KCNH8: variants seen among roughly 807,000 people sequenced by gnomAD.
The protein encoded by KCNH8 is voltage-gated delayed rectifier potassium channel KCNH8.
KCNH8 carries 70 observed loss-of-function variants against 103.6 expected under a neutral mutation model. The ratio of observed to expected loss-of-function variants is 0.68; its 90% CI spans 0.56 to 0.82. The LOEUF (loss-of-function observed/expected upper bound fraction) is 0.82. Ranked by LOEUF, KCNH8 falls within the 40% of genes least tolerant of loss-of-function variation. KCNH8 has a pLI of 0.00. For synonymous variants in KCNH8, 498 were observed against 489.4 expected, an observed-to-expected ratio of 1.02 and a Z score of -0.23; for missense variants, 1,217 against 1,329.9, an observed-to-expected ratio of 0.92 and a Z score of 1.32.
intron 3 of KCNH8, among the ~76,000 whole-genome samples, chr3:19,290,620 T>G (rs1458452242): frequency 1.3e-5 from 2 of 152,210 alleles, no homozygotes; most frequent in Non-Finnish European, 2.9e-5. Flanking sequence ...CTGGATAACG[T>G]TTTTGATGTG....
intron 12 of KCNH8, among the ~76,000 whole-genome samples, chr3:19,511,234 A>T (rs1296697076): frequency 1.3e-5 from 2 of 151,592 alleles, no homozygotes; most frequent in Non-Finnish European, 2.9e-5. Flanking sequence ...ATGAGTGAGA[A>T]CATGTGGTGT....
chr3:19,333,123 C>A (rs1290298146), intron 3 of KCNH8, among the ~76,000 whole-genome samples: 1 of 152,110 alleles, frequency 6.6e-6, no homozygotes, highest in Non-Finnish European at 1.5e-5. Flanking sequence ...TGTTTTTAAA[C>A]ATCTTTTCAT....
intron 3 of KCNH8, among the ~76,000 whole-genome samples, chr3:19,334,663 C>G (rs1188321262): frequency 2.7e-5 from 4 of 145,722 alleles, no homozygotes; most frequent in Admixed American, 2.1e-4. Flanking sequence ...ATAATTATTC[C>G]TGTGTTAATT....
At chr3:19,332,001 TA>T (rs1559480053) in intron 3 of KCNH8, among the ~76,000 whole-genome samples, 1 of 152,028 alleles carries the variant, frequency 6.6e-6, no homozygotes, top group Non-Finnish European at 1.5e-5. Context: ...GAAATTTTTT[TA>T]AGTATTAGTA....
intron 7 of KCNH8, among the ~76,000 whole-genome samples, chr3:19,426,805 TATC>T (rs796903937): frequency 1.2e-4 from 19 of 152,268 alleles, no homozygotes; most frequent in Admixed American, 5.9e-4. Context: ...GAATCAAAAA[TATC>T]ATTGTTCTTT....
chr3:19,427,818 C>T (rs2067051221), intron 7 of KCNH8, among the ~76,000 whole-genome samples: 1 of 152,148 alleles, frequency 6.6e-6, no homozygotes, highest in African/African-American at 2.4e-5. Flanking sequence ...GCAAGGTCTG[C>T]AGACCACACG....
intron 3 of KCNH8, among the ~76,000 whole-genome samples, chr3:19,326,521 A>G (rs575012376): frequency 6.6e-6 from 1 of 151,982 alleles, no homozygotes; most frequent in Non-Finnish European, 1.5e-5. Context: ...AGGTAAAATC[A>G]TTCCCTTCAT....
rs551735632 is a variant in KCNH8 at position 19,293,137 on chromosome 3, A to G, written c.442+11808A>G. 1.4e-3 allele frequency among the ~76,000 whole-genome samples: 212 copies of G among 152,306 alleles called. 1 individual carries two copies. The highest frequency in any genetic ancestry group is 3.4e-3 in the Middle Eastern group (1 of 294). On this transcript the variant is annotated intron_variant, in intron 3 of 15. Transcript: ENST00000328405. ...ATATTATCCCAGGATCCTACAATGT[A>G]GAAGAATGAGACTTAGAGTGTAAAG...
intron 7 of KCNH8, among the ~76,000 whole-genome samples, chr3:19,423,025 C>T (rs1199116965): frequency 6.6e-6 from 1 of 152,062 alleles, no homozygotes; most frequent in Non-Finnish European, 1.5e-5. Context: ...ATTGTTACAT[C>T]ATAGTGATGA....
chr3:19,313,559 A>G (rs2065233491), intron 3 of KCNH8, among the ~76,000 whole-genome samples: 1 of 151,952 alleles, frequency 6.6e-6, no homozygotes, highest in Non-Finnish European at 1.5e-5. Context: ...CAAATCTCCC[A>G]TCTGAACTCA....
chr3:19,160,543 CTTTG>C (rs1405070062), intron 1 of KCNH8, among the ~76,000 whole-genome samples: 12 of 152,064 alleles, frequency 7.9e-5, no homozygotes, highest in Admixed American at 4.6e-4. Context: ...CTAAAATTTC[CTTTG>C]TTTAATATGT....
chr3:19,192,884 C>T (rs147494277), intron 1 of KCNH8, among the ~76,000 whole-genome samples: 45 of 151,648 alleles, frequency 3.0e-4, no homozygotes, highest in African/African-American at 1.1e-3. Flanking sequence ...GTTTGAAATT[C>T]TTGTAGCAGG....
At chr3:19,227,470 A>G (rs981287453) in intron 1 of KCNH8, among the ~76,000 whole-genome samples, 1 of 152,178 alleles carries the variant, frequency 6.6e-6, no homozygotes, top group Admixed American at 6.5e-5. Context: ...AGAATTCCCA[A>G]CATCACTATG....
chr3:19,454,239 T>A (rs893180595), intron 10 of KCNH8, among the ~76,000 whole-genome samples: 2 of 151,210 alleles, frequency 1.3e-5, no homozygotes, highest in African/African-American at 4.9e-5. Context: ...TCCTGGCCTC[T>A]TCTCAAGTTT....
At chr3:19,296,882 A>T (rs1301686614) in intron 3 of KCNH8, among the ~76,000 whole-genome samples, 1 of 152,070 alleles carries the variant, frequency 6.6e-6, no homozygotes, top group African/African-American at 2.4e-5. Context: ...AAAAGACATG[A>T]AAAGGAACAA....
intron 3 of KCNH8, among the ~76,000 whole-genome samples, chr3:19,304,605 G>A (rs1380550326): frequency 1.3e-5 from 2 of 152,048 alleles, no homozygotes; most frequent in African/African-American, 4.8e-5. Context: ...TGAGAGATTA[G>A]AAAATTAAGT....
intron 11 of KCNH8, among the ~76,000 whole-genome samples, chr3:19,498,828 G>A (rs1048206535): frequency 8.5e-5 from 13 of 152,072 alleles, no homozygotes; most frequent in Admixed American, 7.9e-4. Context: ...AGGTCTGCTG[G>A]AGTACCCGGC....
intron 5 of KCNH8, among the ~76,000 whole-genome samples, chr3:19,373,217 T>C (rs1574981717): frequency 6.6e-6 from 1 of 152,136 alleles, no homozygotes; most frequent in African/African-American, 2.4e-5. Context: ...TCTGGTAGAA[T>C]TCGGCTGTGA....
At chr3:19,286,309 A>T (rs1213347874) in intron 3 of KCNH8, among the ~76,000 whole-genome samples, 1 of 152,234 alleles carries the variant, frequency 6.6e-6, no homozygotes, top group Non-Finnish European at 1.5e-5. Context: ...AGTTAAAATG[A>T]AGTTGTTAGG....
Sources: gnomAD v4.1 joint callset for allele counts (sites outside exome capture counted in the v4.1 genomes callset) on GRCh38, gnomAD v4.1.1 for gene constraint, MANE v1.5 for transcripts, NCBI Gene and HGNC (gene_info 2026-07-23, HGNC 2026-07-21) for gene names.